SET: variants seen among roughly 807,000 people sequenced by gnomAD.
The protein encoded by SET is protein SET.
SET carries 4 observed loss-of-function variants against 39.0 expected under a neutral mutation model. The observed-to-expected ratio is 0.10, with a 90% confidence interval of 0.05 to 0.23. SET has a LOEUF of 0.23. SET is among the 10% of genes least tolerant of loss of function. The pLI, the probability that SET is intolerant of heterozygous loss-of-function variation, is 1.00. For missense variants in SET, 137 were observed against 329.7 expected (o/e 0.42, Z 4.53); for synonymous variants, 114 against 115.9 (o/e 0.98, Z 0.11).
At chr9:128,690,342 C>T (rs998333142) in intron 1 of SET, 1 of 152,578 alleles carries the variant, frequency 6.6e-6, no homozygotes, top group Non-Finnish European at 1.5e-5. Flanking sequence ...CTGGCCTCTG[C>T]CTAGGAGGCT....
rs776846519 is a variant in SET at position 128,696,089 on chromosome 9, C to T, written c.*1425C>T. 1 of 222,938 alleles carries T rather than the reference C, an allele frequency of 4.5e-6. No individual in the cohort carries two copies. The highest frequency in any genetic ancestry group is 2.2e-5 in the African/African-American group (1 of 44,974). 13.8% of individuals were successfully genotyped at this position (222,938 alleles called of 1,614,324 possible). ...TCTGGGTGGGATAATGGACTCAGCT[C>T]TGTCTGCTCAATGCCATTGTGCAGA... On this transcript the variant is annotated 3_prime_UTR_variant, in exon 8 of 8. Transcript: ENST00000322030.
At chr9:128,692,397 CAAAAAAA>C (rs58637669) in intron 3 of SET, 46 of 76,260 alleles carry the variant, frequency 6.0e-4, no homozygotes, top group East Asian at 2.3e-3. Context: ...GAGACTGTTT[CAAAAAAA>C]AAAAAAAAAA....
chr9:128,683,649 C>T (rs1191726103), upstream of SET: 4 of 428,002 alleles, frequency 9.3e-6, no homozygotes, highest in Non-Finnish European at 1.7e-5. Flanking sequence ...TCCCCCAAAG[C>T]CAAGAGTGCC....
At chr9:128,689,734 CCGGGGCGCGCG>C (rs1251538322) in intron 1 of SET, 79 bp downstream of exon 1, 99 of 228,670 alleles carry the variant, frequency 4.3e-4, no homozygotes, top group Admixed American at 7.5e-4. Flanking sequence ...CCGGCGGGGC[CCGGGGCGCGCG>C]CGGGGGGCGC....
At chr9:128,684,102 C>T (rs1443646552) in intron 1 of SET, 6 of 954,524 alleles carry the variant, frequency 6.3e-6, no homozygotes, top group Admixed American at 2.4e-5. Context: ...AGATGTGACC[C>T]CTAAGCACCC....
upstream of SET, among the ~76,000 whole-genome samples, chr9:128,684,347 C>T (rs956936312): frequency 3.3e-5 from 5 of 152,142 alleles, no homozygotes; most frequent in Admixed American, 1.3e-4. Flanking sequence ...GCCAAATCCC[C>T]GATTCCTGGT....
upstream of SET, among the ~76,000 whole-genome samples, chr9:128,687,580 C>T (rs1470400636): frequency 1.4e-5 from 2 of 145,504 alleles, no homozygotes; most frequent in African/African-American, 5.1e-5. Context: ...TGCACTCCAG[C>T]CTGGAAGACA....
chr9:128,684,841 C>T (rs551561663), upstream of SET, among the ~76,000 whole-genome samples: 16 of 152,312 alleles, frequency 1.1e-4, no homozygotes, highest in Admixed American at 9.2e-4. Context: ...CTGCCTCACC[C>T]TCTTGTCATT....
chr9:128,689,249 G>A lies in SET; in HGVS notation c.-334G>A, dbSNP rs1001192486. 13 of 1,002,814 alleles carry A rather than the reference G, an allele frequency of 1.3e-5. No homozygotes were observed. The highest frequency in any genetic ancestry group is 1.5e-5 in the Non-Finnish European group (13 of 840,876). The allele number at this position is 1,002,814 out of a possible 1,614,324, so 62.1% of individuals were successfully genotyped here. A position where few individuals can be genotyped will look rare whatever the true frequency, so the allele number is the denominator to read the frequency against. On this transcript the variant is annotated 5_prime_UTR_variant, in exon 1 of 8. Coordinates refer to ENST00000322030, the MANE Select transcript of SET (RefSeq NM_003011.4). ...CTCGCCGTAGGAGGAGGTGGAGGAG[G>A]AGGCGGCTCGGGAGAGCGAGCAGCG...
At chr9:128,694,317 G>A (rs929287816) in intron 7 of SET, among the ~76,000 whole-genome samples, 1 of 152,024 alleles carries the variant, frequency 6.6e-6, no homozygotes, top group African/African-American at 2.4e-5. Context: ...GGCAATATAG[G>A]CAGTGTAGCT....
chr9:128,683,660 C>A, exon 1 of SET: 1 of 451,098 alleles, frequency 2.2e-6, no homozygotes. Flanking sequence ...CAAGAGTGCC[C>A]CTGCAGAGCG....
chr9:128,693,910 T>TGATGAAGAAGGAGAAGGAGAAGAA lies in SET; in HGVS notation c.684_707dup (p.Glu228_Asp235dup), dbSNP rs1214901698. 6.3e-7 allele frequency: 1 copy of TGATGAAGAAGGAGAAGGAGAAGAA among 1,597,454 alleles called. No homozygotes were observed. The highest frequency in any genetic ancestry group is 8.5e-7 in the Non-Finnish European group (1 of 1,169,764). Reference sequence around the variant, plus strand: ...TTTTTTTTAAGGTTCCCGATATGGATGATGAAGAAGGAGAAGGAGAAGAAG... The same window carrying TGATGAAGAAGGAGAAGGAGAAGAA: ...TTTTTTTTAAGGTTCCCGATATGGATGATGAAGAAGGAGAAGGAGAAGAAGATGAAGAAGGAGAAGGAGAAGAAG... On this transcript the variant is annotated inframe_insertion, in exon 7 of 8. Transcript: ENST00000322030.
At chr9:128,690,046 C>G (rs1339633307) in intron 1 of SET, 2 of 986,038 alleles carry the variant, frequency 2.0e-6, no homozygotes, top group Non-Finnish European at 2.4e-6. Flanking sequence ...GACGCGGCCC[C>G]GCGCCCGACC....
intron 7 of SET, 23 bp downstream of exon 7, chr9:128,694,065 C>T: frequency 6.7e-7 from 1 of 1,482,146 alleles, no homozygotes; most frequent in South Asian, 1.3e-5. Context: ...TTGGCTAAAC[C>T]CACAAAGATA....
At chr9:128,691,654 A>G (rs1175342296) in intron 2 of SET, among the ~76,000 whole-genome samples, 1 of 152,224 alleles carries the variant, frequency 6.6e-6, no homozygotes, top group Non-Finnish European at 1.5e-5. Context: ...GGCACTCTTA[A>G]CAGTCATTAT....
chr9:128,694,553 C>A, intron 7 of SET, 88 bp from the exon 8 acceptor site: 4 of 815,766 alleles, frequency 4.9e-6, no homozygotes, highest in South Asian at 1.7e-5. Context: ...GGAGTGCCCC[C>A]AGGGGCACTC....
At position 128,694,634 on chromosome 9, in the gene SET, C is replaced by A. The variant is rs756092838; in HGVS notation, c.811-7C>A. 1.3e-6 allele frequency: 2 copies of A among 1,572,162 alleles called. No homozygotes were observed. The highest frequency in any genetic ancestry group is 1.2e-5 in the South Asian group (1 of 86,810). On this transcript the variant is annotated splice_region_variant and splice_polypyrimidine_tract_variant and intron_variant, in intron 7 of 7. Transcript: ENST00000322030. ...CCTGAAGATTAACTGCCCACTTTTTCTTTCAGGAGGATGAAGGAGAAGATG... is the reference window on the plus strand; with the variant it reads ...CCTGAAGATTAACTGCCCACTTTTTATTTCAGGAGGATGAAGGAGAAGATG...
rs998420369 is a variant in SET at position 128,694,643 on chromosome 9, G to T, written c.813G>T (p.Glu271Asp). The change falls in exon 8 of 8, where the codon GAG becomes GAT. Residue 271 changes from glutamate to aspartate, a missense_variant and splice_region_variant. Around this residue, in one of 3 missense-constraint regions of SET, gnomAD observed 44 missense variants for 63.0 expected, o/e 0.70. Transcript: ENST00000322030. ...TAACTGCCCACTTTTTCTTTCAGGA[G>T]GATGAAGGAGAAGATGACTAAATAG... ...EDDDEGEEGE[E>D]DEGEDD 9 of 1,579,814 alleles carry T rather than the reference G, an allele frequency of 5.7e-6. No homozygotes were observed. The Admixed American group carries it at 9.0e-5, about 16-fold the overall frequency.
chr9:128,692,839 ATTTCTAATC>A lies in SET; in HGVS notation c.379-24_379-16del, dbSNP rs888142797. The A allele has an allele frequency of 1.3e-5, 20 of 1,521,368 alleles. No homozygotes were observed. Among genetic ancestry groups the A allele is most frequent in the Non-Finnish European group, 1.8e-5 (20 of 1,098,244 alleles). The allele number at this position is 1,521,368 out of a possible 1,614,324, so 94.2% of individuals were successfully genotyped here. ...AGCTTTGGTTGGAAGACCTGTTCAT[ATTTCTAATC>A]TTTCAATTATTTATTACAGTATTTT... is the stretch of plus-strand genomic sequence containing the variant. On this transcript the variant is annotated intron_variant, in intron 4 of 7. Transcript: ENST00000322030.
Sources: gnomAD v4.1 joint callset for allele counts (sites outside exome capture counted in the v4.1 genomes callset) on GRCh38, gnomAD v4.1.1 for gene constraint, gnomAD v4.1.1 regional missense constraint, MANE v1.5 for transcripts, NCBI Gene and HGNC (gene_info 2026-07-23, HGNC 2026-07-21) for gene names.